TMEM132C: variants seen among roughly 807,000 people sequenced by gnomAD.
The protein encoded by TMEM132C is transmembrane protein 132C, also known as protein phosphatase 1, regulatory subunit 152.
In TMEM132C, 29 loss-of-function variants were observed where a neutral mutation model predicts 61.4. The observed-to-expected ratio is 0.47, with a 90% CI of 0.35 to 0.64. The LOEUF is 0.64. Among genes scored for constraint, TMEM132C ranks in the 30% least tolerant of loss-of-function variants. The pLI is 0.00. For missense variants in TMEM132C, 1,408 were observed against 1,476.9 expected (o/e 0.95, Z 0.76); for synonymous variants, 656 against 633.1 (o/e 1.04, Z -0.54).
At position 128,706,239 on chromosome 12, in the gene TMEM132C, G is replaced by A. The variant is rs2135664828; in HGVS notation, c.3271G>A (p.Val1091Met). ...DIKWVCQDVAVGAPKELRNYL... is the reference protein window; with the variant it reads ...DIKWVCQDVAMGAPKELRNYL... ...CAAATGGGTGTGTCAAGACGTGGCT[G>A]TGGGTGCCCCCAAGGAACTTAGAAA... Residue 1091 changes from valine (V) to methionine (M), a missense_variant, in exon 9 of 9, where the codon GTG becomes ATG. Transcript: ENST00000435159. 1.3e-6 allele frequency: 2 copies of A among 1,551,472 alleles called. No homozygotes were observed. The highest frequency in any genetic ancestry group is 1.7e-6 in the Non-Finnish European group (2 of 1,146,846).
Position 128,619,381 on chromosome 12 carries a change from C to T in TMEM132C, c.1305+3046C>T, listed in dbSNP as rs562707599. Among the ~76,000 whole-genome samples, 3 of 152,322 alleles carry T rather than the reference C, an allele frequency of 2.0e-5. No homozygotes were observed. In the South Asian group the frequency reaches 6.2e-4, roughly 32 times the overall value. ...CCACAGCATTCCCCGTCACCTACTG[C>T]CTCTGACTCCCCCTGAGTAAATGCA... On this transcript the variant is annotated intron_variant, in intron 4 of 8. Transcript: ENST00000435159.
chr12:128,430,172 C>G (rs144802641), intron 2 of TMEM132C, among the ~76,000 whole-genome samples: 2 of 152,276 alleles, frequency 1.3e-5, no homozygotes, highest in Admixed American at 1.3e-4. Flanking sequence ...ACCAGCCTAC[C>G]TTATTTTGAT....
chr12:128,373,973 C>A (rs1320413038), intron 1 of TMEM132C, among the ~76,000 whole-genome samples: 2 of 152,214 alleles, frequency 1.3e-5, no homozygotes, highest in African/African-American at 4.8e-5. Flanking sequence ...ACATGGGCCA[C>A]CCAGCCTGGA....
At chr12:128,509,597 G>A (rs1382612064) in intron 2 of TMEM132C, among the ~76,000 whole-genome samples, 1 of 152,194 alleles carries the variant, frequency 6.6e-6, no homozygotes, top group African/African-American at 2.4e-5. Flanking sequence ...GGGGTCCTGA[G>A]ATTCTATTTG....
chr12:128,534,492 T>C (rs778641567), intron 2 of TMEM132C, among the ~76,000 whole-genome samples: 1 of 152,160 alleles, frequency 6.6e-6, no homozygotes, highest in Non-Finnish European at 1.5e-5. Context: ...ATGCAGCAGA[T>C]GAAGAAAGAA....
chr12:128,476,353 G>A (rs571613858), intron 2 of TMEM132C, among the ~76,000 whole-genome samples: 46 of 152,286 alleles, frequency 3.0e-4, no homozygotes, highest in African/African-American at 4.8e-4. Context: ...GGGAGACATC[G>A]TCACATTTCA....
intron 2 of TMEM132C, among the ~76,000 whole-genome samples, chr12:128,498,209 T>C (rs1325241082): frequency 6.6e-6 from 1 of 152,136 alleles, no homozygotes; most frequent in Admixed American, 6.5e-5. Flanking sequence ...AGATGAAATT[T>C]AGATGATTGG....
rs1023596709 is a variant in TMEM132C, at chr12:128,496,626, G to A, written c.975-47331G>A. On this transcript the variant is annotated intron_variant, in intron 2 of 8. Transcript: ENST00000435159. Reference sequence around the variant, plus strand: ...ACCCTTTCTTCCAGTTGATCAAATCGGCTACTGAAGCTTGTGCATTCGTCA... The same window carrying A: ...ACCCTTTCTTCCAGTTGATCAAATCAGCTACTGAAGCTTGTGCATTCGTCA... Among the ~76,000 whole-genome samples the A allele has an allele frequency of 4.6e-5, 7 of 152,026 alleles. No homozygotes were observed. In the South Asian group the frequency reaches 6.2e-4, roughly 14 times the overall value.
intron 2 of TMEM132C, among the ~76,000 whole-genome samples, chr12:128,481,051 G>A (rs1325398415): frequency 3.3e-5 from 5 of 152,150 alleles, no homozygotes; most frequent in Non-Finnish European, 7.3e-5. Context: ...AACTGAAGAC[G>A]CGAATGAACA....
In TMEM132C at chr12:128,706,818, A is replaced by T. The variant is rs962993469; in HGVS notation, c.*523A>T. The T allele has an allele frequency of 6.6e-6, 1 of 152,346 alleles. No individual in the cohort carries two copies. The highest frequency in any genetic ancestry group is 1.5e-5 in the Non-Finnish European group (1 of 68,148). The allele number at this position is 152,346 out of a possible 1,614,324, so 9.4% of individuals were successfully genotyped here. A position where few individuals can be genotyped will look rare whatever the true frequency, so the allele number is the denominator to read the frequency against. On this transcript the variant is annotated 3_prime_UTR_variant, in exon 9 of 9. Transcript: ENST00000435159. ...CTTAACAAGGGATGCCTCTTGGGAT[A>T]GAACTAGGGAGTTTTAAATCTTTAC... is the stretch of plus-strand genomic sequence containing the variant.
At position 128,278,742 on chromosome 12, in the gene TMEM132C, A is replaced by G. The variant is rs978356380; in HGVS notation, c.85+11255A>G. Among the ~76,000 whole-genome samples the G allele has an allele frequency of 7.2e-6, 1 of 139,502 alleles. No homozygotes were observed. The highest frequency in any genetic ancestry group is 1.6e-5 in the Non-Finnish European group (1 of 64,050). The allele number at this position is 139,502 out of a possible 152,430, so 91.5% of individuals were successfully genotyped here. On this transcript the variant is annotated intron_variant, in intron 1 of 8. Coordinates refer to ENST00000435159, the MANE Select transcript of TMEM132C (RefSeq NM_001136103.3). The surrounding 1 kb of genome is among the most constrained non-coding windows in gnomAD (Gnocchi z 4.2). The stretch of plus-strand genomic sequence containing the variant: ...CAGATATTTGTGCAGACTTGATTCT[A>G]TACGTGTATGTGTGTGTGTGTGTGT...
chr12:128,384,280 C>A (rs1469386750), intron 1 of TMEM132C, among the ~76,000 whole-genome samples: 1 of 152,144 alleles, frequency 6.6e-6, no homozygotes, highest in East Asian at 1.9e-4. Flanking sequence ...GGGAAAAGAT[C>A]TGGGGGCGCA....
chr12:128,572,286 G>A (rs748426081), intron 3 of TMEM132C, among the ~76,000 whole-genome samples: 6 of 142,704 alleles, frequency 4.2e-5, no homozygotes, highest in South Asian at 2.2e-4. Context: ...GGTCACATGC[G>A]TACTGTGGCC....
At chr12:128,577,758 C>T (rs966976164) in intron 3 of TMEM132C, among the ~76,000 whole-genome samples, 1 of 152,210 alleles carries the variant, frequency 6.6e-6, no homozygotes, top group African/African-American at 2.4e-5. Context: ...TTAACTCCCC[C>T]CAGGGCCTGG....
intron 1 of TMEM132C, among the ~76,000 whole-genome samples, chr12:128,325,588 A>G (rs1872483053): frequency 6.6e-6 from 1 of 152,194 alleles, no homozygotes; most frequent in South Asian, 2.1e-4. Flanking sequence ...TAAAATGTGC[A>G]GTTTATACAT....
At chr12:128,386,911 T>C (rs1053256851) in intron 1 of TMEM132C, among the ~76,000 whole-genome samples, 3 of 151,982 alleles carry the variant, frequency 2.0e-5, no homozygotes, top group Admixed American at 6.6e-5. Context: ...GGAGAATCCC[T>C]TGAAGCCAGG....
chr12:128,354,606 G>T (rs1873442537), intron 1 of TMEM132C, among the ~76,000 whole-genome samples: 1 of 151,514 alleles, frequency 6.6e-6, no homozygotes, highest in Non-Finnish European at 1.5e-5. Context: ...GCTTTCTCTG[G>T]GATTCCACCA....
At chr12:128,377,823 G>A (rs1403245271) in intron 1 of TMEM132C, among the ~76,000 whole-genome samples, 6 of 152,150 alleles carry the variant, frequency 3.9e-5, no homozygotes, top group East Asian at 1.9e-4. Flanking sequence ...CTGCGGACTC[G>A]TCAACATTGC....
chr12:128,289,507 G>T (rs758215779), intron 1 of TMEM132C, among the ~76,000 whole-genome samples: 3 of 152,132 alleles, frequency 2.0e-5, no homozygotes, highest in Non-Finnish European at 4.4e-5. Flanking sequence ...AGAACACGGC[G>T]TACCTGGTTT....
Sources: allele counts gnomAD v4.1 joint callset (sites outside exome capture counted in the v4.1 genomes callset), GRCh38; gene constraint gnomAD v4.1.1; non-coding constraint Gnocchi (gnomAD v3.1); transcripts MANE v1.5; gene names NCBI Gene and HGNC (gene_info 2026-07-23, HGNC 2026-07-21).